Variants in SLC9A2 observed in about 807,000 individuals in gnomAD.
The protein encoded by SLC9A2 is solute carrier family 9 member A2.
Under a neutral mutation model 71.7 loss-of-function variants are expected in SLC9A2, and 42 were observed. That is an observed-to-expected ratio of 0.59 (90% confidence interval 0.46 to 0.76). The LOEUF is 0.76. SLC9A2 is among the 30% of genes least tolerant of loss of function. SLC9A2 has a pLI of 0.00. For synonymous variants in SLC9A2, 396 were observed against 392.5 expected, an observed-to-expected ratio of 1.01 and a Z score of -0.10; for missense variants, 829 against 1,017.4, an observed-to-expected ratio of 0.81 and a Z score of 2.52.
chr2:102,673,670 C>G (rs780980061), intron 3 of SLC9A2, among the ~76,000 whole-genome samples: 1 of 152,000 alleles, frequency 6.6e-6, no homozygotes, highest in Non-Finnish European at 1.5e-5. Flanking sequence ...GGATGATATC[C>G]TTTCTGGCCT....
rs1399190066 is a variant in SLC9A2, at chr2:102,623,417, C to T, written c.289+3280C>T. Among the ~76,000 whole-genome samples, 7 of 152,274 alleles carry T rather than the reference C, an allele frequency of 4.6e-5. No homozygotes were observed. In the East Asian group the frequency reaches 1.4e-3, roughly 29 times the overall value. On this transcript the variant is annotated intron_variant, in intron 1 of 11. Transcript: ENST00000233969. ...AGAGCCCAGCCTCGTCCTGCAGCTT[C>T]CCCTGTGTTCCTAGAGGAGCCAGGA...
At chr2:102,626,065 T>C (rs1371662841) in intron 1 of SLC9A2, among the ~76,000 whole-genome samples, 2 of 152,136 alleles carry the variant, frequency 1.3e-5, no homozygotes, top group Non-Finnish European at 2.9e-5. Context: ...ATTTCTCTGA[T>C]GGCTACTTTA....
intron 8 of SLC9A2, among the ~76,000 whole-genome samples, chr2:102,702,179 G>A (rs765008443): frequency 4.7e-4 from 71 of 152,264 alleles, no homozygotes; most frequent in Admixed American, 1.5e-3. Flanking sequence ...AAAACATAAT[G>A]ACATGAATAG....
At chr2:102,642,630 G>A (rs960953933) in intron 1 of SLC9A2, among the ~76,000 whole-genome samples, 1 of 151,980 alleles carries the variant, frequency 6.6e-6, no homozygotes, top group African/African-American at 2.4e-5. Context: ...TTTCTTTTTG[G>A]TACTGCTCTT....
chr2:102,646,002 C>A (rs1378834808), intron 1 of SLC9A2, among the ~76,000 whole-genome samples: 1 of 152,094 alleles, frequency 6.6e-6, no homozygotes, highest in Admixed American at 6.5e-5. Context: ...ACATAATCAT[C>A]AGATTCACCA....
In SLC9A2 at chr2:102,709,799, G is replaced by GT. The variant is rs201886501; in HGVS notation, c.*1320dup. ...TCTTAACTGTAGATTTTATTGGCCT[G>GT]TTTTTTTTTTCTAAATAATTCTTTA... is the stretch of plus-strand genomic sequence containing the variant. On this transcript the variant is annotated 3_prime_UTR_variant, in exon 12 of 12. Transcript: ENST00000233969. The GT allele has an allele frequency of 0.011, 1,575 of 148,670 alleles. 29 individuals carry two copies. The highest frequency in any genetic ancestry group is 0.035 in the African/African-American group (1,412 of 40,598). The allele number at this position is 148,670 out of a possible 1,614,324, so 9.2% of individuals were successfully genotyped here.
intron 1 of SLC9A2, among the ~76,000 whole-genome samples, chr2:102,640,942 A>G (rs1420570420): frequency 6.6e-6 from 1 of 152,204 alleles, no homozygotes. Context: ...CTCTAGAACC[A>G]GACACGAAGA....
chr2:102,638,244 A>T lies in SLC9A2; in HGVS notation c.289+18107A>T, dbSNP rs576736509. Among the ~76,000 whole-genome samples, 316 of 152,322 alleles carry T rather than the reference A, an allele frequency of 2.1e-3. 1 individual carries two copies. The highest frequency in any genetic ancestry group is 6.8e-3 in the Middle Eastern group (2 of 294). On this transcript the variant is annotated intron_variant, in intron 1 of 11. Transcript: ENST00000233969. ...CTTGTCTTTATACCTGGGTATATTT[A>T]AAAGGGCTGAGCTGATTATGTGGGA...
At chr2:102,627,016 T>C (rs1676261880) in intron 1 of SLC9A2, among the ~76,000 whole-genome samples, 3 of 152,206 alleles carry the variant, frequency 2.0e-5, no homozygotes, top group Non-Finnish European at 4.4e-5. Flanking sequence ...CTGGGTATTG[T>C]AGCTCACAAC....
chr2:102,622,210 C>G (rs942249087), intron 1 of SLC9A2, among the ~76,000 whole-genome samples: 3 of 152,164 alleles, frequency 2.0e-5, no homozygotes, highest in African/African-American at 7.2e-5. Flanking sequence ...ATGCCACAAG[C>G]CTGCCCTGTA....
At chr2:102,696,710 G>A (rs1677775485) in intron 7 of SLC9A2, among the ~76,000 whole-genome samples, 1 of 152,188 alleles carries the variant, frequency 6.6e-6, no homozygotes, top group African/African-American at 2.4e-5. Flanking sequence ...GTTTACTACT[G>A]TAGACAGGGC....
intron 11 of SLC9A2, among the ~76,000 whole-genome samples, chr2:102,706,644 C>T (rs1037533142): frequency 5.3e-5 from 8 of 152,086 alleles, no homozygotes; most frequent in African/African-American, 1.2e-4. Context: ...AATTTTAATT[C>T]GCATTGCAAC....
At chr2:102,649,026 A>G (rs1315266058) in intron 1 of SLC9A2, among the ~76,000 whole-genome samples, 1 of 152,196 alleles carries the variant, frequency 6.6e-6, no homozygotes, top group African/African-American at 2.4e-5. Context: ...GACAATCCTA[A>G]GCAAAAAGAA....
intron 3 of SLC9A2, among the ~76,000 whole-genome samples, chr2:102,678,534 A>T (rs1005903825): frequency 6.6e-6 from 1 of 152,232 alleles, no homozygotes; most frequent in Non-Finnish European, 1.5e-5. Flanking sequence ...GGACAATGTC[A>T]TACTGATGAC....
chr2:102,707,364 G>A (rs1402889489), intron 11 of SLC9A2, among the ~76,000 whole-genome samples: 1 of 147,562 alleles, frequency 6.8e-6, no homozygotes, highest in Non-Finnish European at 1.5e-5. Context: ...AATGATGGCT[G>A]GTGGTAAAGG....
At chr2:102,649,277 A>G (rs796681367) in intron 1 of SLC9A2, among the ~76,000 whole-genome samples, 1 of 152,234 alleles carries the variant, frequency 6.6e-6, no homozygotes, top group South Asian at 2.1e-4. Context: ...CCATATGTAG[A>G]AAACTGAAAC....
chr2:102,657,433 T>A (rs996245767), intron 1 of SLC9A2, 131 bp from the exon 2 acceptor site: 8 of 627,774 alleles, frequency 1.3e-5, no homozygotes, highest in African/African-American at 1.1e-4. Context: ...TGGGAAGCCA[T>A]TGTAAAGACA....
At chr2:102,668,162 A>C (rs947791621) in intron 3 of SLC9A2, among the ~76,000 whole-genome samples, 1 of 152,214 alleles carries the variant, frequency 6.6e-6, no homozygotes, top group Non-Finnish European at 1.5e-5. Flanking sequence ...AGATATTACC[A>C]GTGATGTAAA....
chr2:102,682,067 C>A (rs892140533), intron 3 of SLC9A2, among the ~76,000 whole-genome samples: 1 of 152,168 alleles, frequency 6.6e-6, no homozygotes, highest in Non-Finnish European at 1.5e-5. Context: ...TACGAGAATG[C>A]TGGAAACTTT....
Sources: allele counts gnomAD v4.1 joint callset (sites outside exome capture counted in the v4.1 genomes callset), GRCh38; gene constraint gnomAD v4.1.1; transcripts MANE v1.5; gene names NCBI Gene and HGNC (gene_info 2026-07-23, HGNC 2026-07-21).